UBR4: variants seen among roughly 807,000 people sequenced by gnomAD.
The protein encoded by UBR4 is ubiquitin protein ligase E3 component n-recognin 4, also known as E3 ubiquitin-protein ligase UBR4.
In UBR4, 124 loss-of-function variants were observed where a neutral mutation model predicts 575.6. The observed-to-expected ratio is 0.22, with a 90% CI of 0.19 to 0.25. UBR4 has a LOEUF of 0.25. UBR4 is among the 10% of genes least tolerant of loss of function. UBR4 has a pLI of 1.00. For synonymous variants in UBR4, 2,455 were observed against 2,473.7 expected (o/e 0.99, Z 0.22); for missense variants, 4,818 against 6,478.8 (o/e 0.74, Z 8.80).
Position 19,115,520 on chromosome 1 carries a change from G to A in UBR4, c.10941C>T (p.Phe3647=), listed in dbSNP as rs1003351789. The stretch of plus-strand genomic sequence containing the variant: ...CTGTGGAGGCCTGGTAGTTTTCATA[G>A]AAGTCTGCAAACTCAATCATCAGAT... ...ASNLMIEFAD[F]YENYQASTET... Residue 3647 remains phenylalanine, a synonymous_variant, in exon 74 of 106, where the codon TTC becomes TTT. Transcript: ENST00000375254. 4 of 1,614,122 alleles carry A rather than the reference G, an allele frequency of 2.5e-6. No homozygotes were observed. In the African/African-American group the frequency reaches 4.0e-5, roughly 16 times the overall value.
chr1:19,182,675 T>A (rs999431789), intron 17 of UBR4, among the ~76,000 whole-genome samples: 3 of 152,200 alleles, frequency 2.0e-5, no homozygotes, highest in African/African-American at 7.2e-5. Flanking sequence ...GTAAGCGAAG[T>A]GGTATCTCAT....
chr1:19,164,713 A>G, intron 32 of UBR4, 86 bp downstream of exon 32: 1 of 1,504,086 alleles, frequency 6.6e-7, no homozygotes, highest in Non-Finnish European at 9.2e-7. Context: ...GAATGCTAAG[A>G]CTGGTGCCCG....
At chr1:19,144,291 A>C (rs1262245755) in intron 54 of UBR4, among the ~76,000 whole-genome samples, 200 bp from the exon 55 acceptor site, 3 of 152,206 alleles carry the variant, frequency 2.0e-5, no homozygotes, top group African/African-American at 7.2e-5. Context: ...GCCATTCGCT[A>C]ACCTCCTGTC....
At chr1:19,178,143 C>A (rs2090478461) in intron 18 of UBR4, among the ~76,000 whole-genome samples, 1 of 152,180 alleles carries the variant, frequency 6.6e-6, no homozygotes, top group South Asian at 2.1e-4. Context: ...TACTTTTCCC[C>A]ATATTTTGAT....
chr1:19,110,834 T>C lies in UBR4; in HGVS notation c.11802-2A>G. The C allele has an allele frequency of 6.2e-7, 1 of 1,613,602 alleles. No individual in the cohort carries two copies. The highest frequency in any genetic ancestry group is 8.5e-7 in the Non-Finnish European group (1 of 1,179,764). On this transcript the variant is annotated splice_acceptor_variant, in intron 78 of 105. Coordinates refer to ENST00000375254, the MANE Select transcript of UBR4 (RefSeq NM_020765.3). LOFTEE classifies it high-confidence loss of function. The surrounding 1 kb of genome is among the most constrained non-coding windows in gnomAD (Gnocchi z 4.5). ...TGTTGGGTGGCTTCTGGGTTGTCTC[T>C]GCAGAAGCAAATAGAAATGGAGTCC...
chr1:19,123,279 C>T (rs2081367892), intron 65 of UBR4, among the ~76,000 whole-genome samples: 1 of 151,962 alleles, frequency 6.6e-6, no homozygotes, highest in African/African-American at 2.4e-5. Context: ...TGGTGAAACC[C>T]CATCTCTACC....
At position 19,175,853 on chromosome 1, in the gene UBR4, G is replaced by A. The variant is rs148453663; in HGVS notation, c.2773+739C>T. The stretch of plus-strand genomic sequence containing the variant: ...CTGTCAACCAGGCTGGAGTACAGTG[G>A]CGTGATCACAGCTCACTGCAACCTC... On this transcript the variant is annotated intron_variant, in intron 20 of 105. Coordinates refer to ENST00000375254, the MANE Select transcript of UBR4 (RefSeq NM_020765.3). Among the ~76,000 whole-genome samples the A allele has an allele frequency of 2.0e-3, 305 of 152,146 alleles. 1 individual carries two copies. The highest frequency in any genetic ancestry group is 7.2e-3 in the African/African-American group (297 of 41,504).
intron 101 of UBR4, among the ~76,000 whole-genome samples, chr1:19,085,351 G>A (rs988820809): frequency 2.0e-5 from 3 of 152,136 alleles, no homozygotes; most frequent in South Asian, 2.1e-4. Flanking sequence ...GCAAAACCCC[G>A]TCTCTACTAA....
At chr1:19,174,740 A>G (rs1309793639) in intron 21 of UBR4, among the ~76,000 whole-genome samples, 1 of 152,228 alleles carries the variant, frequency 6.6e-6, no homozygotes, top group Non-Finnish European at 1.5e-5. Context: ...CAAGTGTCAG[A>G]GGTGCCAATC....
intron 8 of UBR4, among the ~76,000 whole-genome samples, chr1:19,195,087 C>T (rs1472397529): frequency 2.7e-5 from 4 of 150,722 alleles, no homozygotes; most frequent in African/African-American, 9.7e-5. Context: ...GGTGAAACCC[C>T]GTCTCTACTA....
chr1:19,203,469 C>T (rs1185523849), intron 1 of UBR4, among the ~76,000 whole-genome samples: 1 of 150,858 alleles, frequency 6.6e-6, no homozygotes, highest in African/African-American at 2.4e-5. Context: ...CACTGCACTC[C>T]AGCCTGGGCA....
chr1:19,121,925 A>G lies in UBR4; in HGVS notation c.9895+9T>C. On this transcript the variant is annotated intron_variant, in intron 67 of 105. Transcript: ENST00000375254. ...AATAACAGCAATCAAAAGGAGCAGC[A>G]TTGCTTACAGTCATCTTTGATGCAG... is the stretch of plus-strand genomic sequence containing the variant. 1.9e-6 allele frequency: 3 copies of G among 1,614,138 alleles called. No homozygotes were observed. Among genetic ancestry groups the G allele is most frequent in the Non-Finnish European group, 2.5e-6 (3 of 1,179,990 alleles).
At position 19,197,947 on chromosome 1, in the gene UBR4, C is replaced by G; in HGVS notation, c.751G>C (p.Gly251Arg). The G allele has an allele frequency of 6.2e-7, 1 of 1,614,090 alleles. No homozygotes were observed. Among genetic ancestry groups the G allele is most frequent in the Non-Finnish European group, 8.5e-7 (1 of 1,180,006 alleles). The change falls in exon 6 of 106, where the codon GGT becomes CGT. Residue 251 changes from glycine to arginine, a missense_variant and splice_region_variant. Around this residue, in one of 29 missense-constraint regions of UBR4, gnomAD observed 131 missense variants for 214.5 expected, o/e 0.61. Transcript: ENST00000375254. ...AQNVASLQEL[G>R]GSEKLLRVCL... is the part of the protein sequence containing the mutation. ...TTCTGATAACAGTTGGGAGTCTTAC[C>G]AAGCTCTTGAAGACTAGCCACGTTC...
rs2087281230 is a variant in UBR4 at position 19,161,161 on chromosome 1, ATGTC to A, written c.5176-18_5176-15del. 6.2e-7 allele frequency: 1 copy of A among 1,611,592 alleles called. No individual in the cohort carries two copies. The highest frequency in any genetic ancestry group is 8.5e-7 in the Non-Finnish European group (1 of 1,178,414). On this transcript the variant is annotated splice_polypyrimidine_tract_variant and intron_variant, in intron 37 of 105. Transcript: ENST00000375254. ...CTTCACCAGAGCCTAGGGACAGAAA[ATGTC>A]AGAGTCCCTAAGTTCTTGCCTCAAG...
intron 87 of UBR4, among the ~76,000 whole-genome samples, chr1:19,103,517 A>G (rs2078874484): frequency 6.6e-6 from 1 of 152,220 alleles, no homozygotes; most frequent in South Asian, 2.1e-4. Flanking sequence ...GTGAGCCAAG[A>G]TCGCGTCACT....
chr1:19,121,062 G>C lies in UBR4; in HGVS notation c.10141+127C>G, dbSNP rs1272488839. Reference sequence around the variant, plus strand: ...AATGAGACCAAAAGTAGACACTAGAGAACATTTGGGCTTTAAGTCCCCTCT... The same window carrying C: ...AATGAGACCAAAAGTAGACACTAGACAACATTTGGGCTTTAAGTCCCCTCT... On this transcript the variant is annotated intron_variant, in intron 68 of 105. Coordinates refer to ENST00000375254, the MANE Select transcript of UBR4 (RefSeq NM_020765.3). The C allele has an allele frequency of 2.3e-6, 3 of 1,326,476 alleles. No individual in the cohort carries two copies. The African/African-American group carries it at 4.4e-5, about 20-fold the overall frequency. The allele number at this position is 1,326,476 out of a possible 1,614,324, so 82.2% of individuals were successfully genotyped here. A position where few individuals can be genotyped will look rare whatever the true frequency, so the allele number is the denominator to read the frequency against.
intron 63 of UBR4, among the ~76,000 whole-genome samples, chr1:19,127,297 A>G (rs1467153216): frequency 6.6e-6 from 1 of 152,194 alleles, no homozygotes; most frequent in Admixed American, 6.5e-5. Context: ...TCTCTGCTTT[A>G]TTACCATACC....
chr1:19,154,980 G>C lies in UBR4; in HGVS notation c.6396C>G (p.Phe2132Leu). 1 of 1,614,122 alleles carries C rather than the reference G, an allele frequency of 6.2e-7. No homozygotes were observed. Among genetic ancestry groups the C allele is most frequent in the Non-Finnish European group, 8.5e-7 (1 of 1,179,998 alleles). The stretch of plus-strand genomic sequence containing the variant: ...GGGTTGTCCTGCTGATGGTGGCTGC[G>C]AATGATTTGCCTTGACAATAGCTGA... ...LFFSYCQGKSFAATISRTTLE... is the reference protein window; with the variant it reads ...LFFSYCQGKSLAATISRTTLE... The change falls in exon 44 of 106, where the codon TTC (phenylalanine) becomes TTG (leucine). Residue 2132 changes from phenylalanine (F) to leucine (L), a missense_variant. Transcript: ENST00000375254.
chr1:19,161,428 A>AT (rs1214243652), intron 37 of UBR4, among the ~76,000 whole-genome samples, 161 bp downstream of exon 37: 1 of 152,252 alleles, frequency 6.6e-6, no homozygotes, highest in African/African-American at 2.4e-5. Flanking sequence ...GATATTCTAA[A>AT]TGAAGTCCTT....
Sources: allele counts gnomAD v4.1 joint callset (sites outside exome capture counted in the v4.1 genomes callset), GRCh38; gene constraint gnomAD v4.1.1; regional missense constraint gnomAD v4.1.1; non-coding constraint Gnocchi (gnomAD v3.1); transcripts MANE v1.5; gene names NCBI Gene and HGNC (gene_info 2026-07-23, HGNC 2026-07-21).